Variants in ACO1 observed in about 807,000 individuals in gnomAD.
The protein encoded by ACO1 is aconitase 1.
ACO1 carries 78 observed loss-of-function variants against 105.1 expected under a neutral mutation model. The observed-to-expected ratio is 0.74, with a 90% CI of 0.62 to 0.90. The LOEUF (loss-of-function observed/expected upper bound fraction) is 0.90. ACO1 is among the 40% of genes least tolerant of loss of function. The probability of loss-of-function intolerance (pLI) is 0.00; values close to 1 mark genes in which losing one functional copy is unlikely to be tolerated. For synonymous variants in ACO1, 364 were observed against 397.4 expected, an observed-to-expected ratio of 0.92 and a Z score of 1.00; for missense variants, 965 against 1,111.1, an observed-to-expected ratio of 0.87 and a Z score of 1.87.
chr9:32,397,842 A>G (rs982957081), intron 1 of ACO1, among the ~76,000 whole-genome samples: 2 of 152,180 alleles, frequency 1.3e-5, no homozygotes, highest in African/African-American at 2.4e-5. Context: ...TCTTGTTTGC[A>G]TAGACTTTTT....
At chr9:32,390,003 G>A (rs1016368640) in intron 1 of ACO1, among the ~76,000 whole-genome samples, 1 of 152,120 alleles carries the variant, frequency 6.6e-6, no homozygotes, top group Admixed American at 6.5e-5. Context: ...TCACCATGTT[G>A]GCCAGGTTGG....
intron 3 of ACO1, 84 bp from the exon 4 acceptor site, chr9:32,408,430 T>A: frequency 6.6e-7 from 1 of 1,514,784 alleles, no homozygotes; most frequent in Non-Finnish European, 9.1e-7. Context: ...GCCTTGTCAA[T>A]ATTATCAATG....
At chr9:32,433,400 AT>A (rs199615375) in intron 15 of ACO1, among the ~76,000 whole-genome samples, 1 of 149,342 alleles carries the variant, frequency 6.7e-6, no homozygotes, top group East Asian at 2.0e-4. Context: ...CACCCAGACA[AT>A]TTTTTTTTTA....
chr9:32,419,407 ATT>A (rs1333937688), intron 7 of ACO1, among the ~76,000 whole-genome samples: 1 of 152,188 alleles, frequency 6.6e-6, no homozygotes, highest in Non-Finnish European at 1.5e-5. Flanking sequence ...CTTAAAGGAA[ATT>A]TTTTAAACTG....
rs185115013 is a variant in ACO1 at position 32,439,613 on chromosome 9, C to T, written c.2248-852C>T. Among the ~76,000 whole-genome samples the T allele has an allele frequency of 2.0e-3, 300 of 152,324 alleles. No individual in the cohort carries two copies. Among genetic ancestry groups the T allele is most frequent in the African/African-American group, 6.9e-3 (286 of 41,566 alleles). On this transcript the variant is annotated intron_variant, in intron 18 of 20. Coordinates refer to ENST00000309951, the MANE Select transcript of ACO1 (RefSeq NM_002197.3). This position sits in a 1 kb window ranked among gnomAD's most constrained non-coding sequence, Gnocchi z 4.0. ...GTTTGTATAAGATGTTTCTCATGTACTAAAATATTAATCTTTTTCTACCTT... is the reference window on the plus strand; with the variant it reads ...GTTTGTATAAGATGTTTCTCATGTATTAAAATATTAATCTTTTTCTACCTT...
chr9:32,450,064 C>G lies in ACO1; in HGVS notation c.2623C>G (p.Leu875Val), dbSNP rs766094300. The stretch of plus-strand genomic sequence containing the variant: ...CACTGATGTGGAGCTCACTTATTTC[C>G]TCAACGGGGGCATCCTCAACTACAT... ...FDTDVELTYF[L>V]NGGILNYMIR... Residue 875 changes from leucine to valine, a missense_variant, in exon 21 of 21, where the codon CTC becomes GTC. By Grantham distance (32) the Leu-to-Val change is conservative (BLOSUM62 1). Transcript: ENST00000309951. 33 of 1,613,862 alleles carry G rather than the reference C, an allele frequency of 2.0e-5. No individual in the cohort carries two copies. The South Asian group carries it at 3.5e-4, about 17-fold the overall frequency.
rs960747266 is a variant in ACO1 at position 32,452,818 on chromosome 9, A to T, written c.*2707A>T. The T allele has an allele frequency of 2.7e-5, 4 of 150,842 alleles. No individual in the cohort carries two copies. The highest frequency in any genetic ancestry group is 2.1e-4 in the South Asian group (1 of 4,794). 9.3% of individuals were successfully genotyped at this position (150,842 alleles called of 1,614,324 possible). A position where few individuals can be genotyped will look rare whatever the true frequency, so the allele number is the denominator to read the frequency against. On this transcript the variant is annotated 3_prime_UTR_variant, in exon 21 of 21. Coordinates refer to ENST00000309951, the MANE Select transcript of ACO1 (RefSeq NM_002197.3). Reference sequence around the variant, plus strand: ...AAAAATAAATAAATAAATAAATAAAATAAATCAGCCAGGTGTGCACCTGTG... The same window carrying T: ...AAAAATAAATAAATAAATAAATAAATTAAATCAGCCAGGTGTGCACCTGTG...
At chr9:32,424,136 C>CT (rs1822035205) in intron 9 of ACO1, among the ~76,000 whole-genome samples, 1 of 152,210 alleles carries the variant, frequency 6.6e-6, no homozygotes, top group African/African-American at 2.4e-5. Context: ...GTGTTGATAA[C>CT]TTAACGGCTG....
intron 6 of ACO1, among the ~76,000 whole-genome samples, chr9:32,418,769 A>AT (rs1821906637): frequency 6.6e-6 from 1 of 152,174 alleles, no homozygotes; most frequent in African/African-American, 2.4e-5. Context: ...GGTGTTAAAA[A>AT]TAGAGACTCC....
intron 4 of ACO1, among the ~76,000 whole-genome samples, chr9:32,412,051 T>C (rs906748557): frequency 1.3e-5 from 2 of 152,180 alleles, no homozygotes; most frequent in African/African-American, 4.8e-5. Context: ...TCTGGATAGC[T>C]GACTTCAGAA....
chr9:32,439,004 G>GT lies in ACO1; in HGVS notation c.2248-1460dup, dbSNP rs1196293429. Among the ~76,000 whole-genome samples the GT allele has an allele frequency of 5.9e-5, 9 of 152,228 alleles. No homozygotes were observed. Among genetic ancestry groups the GT allele is most frequent in the East Asian group, 5.8e-4 (3 of 5,204 alleles). On this transcript the variant is annotated intron_variant, in intron 18 of 20. Transcript: ENST00000309951. The surrounding 1 kb of genome is among the most constrained non-coding windows in gnomAD (Gnocchi z 4.0). Reference sequence around the variant, plus strand: ...AATGCTATGTTCTCTTTAGAAGAGCGTAAGAGTGCAGGGAGCTGTTGCTTT... The same window carrying GT: ...AATGCTATGTTCTCTTTAGAAGAGCGTTAAGAGTGCAGGGAGCTGTTGCTTT...
rs74988950 is a variant in ACO1, at chr9:32,402,329, C to T, written c.-22-3156C>T. Among the ~76,000 whole-genome samples, 562 of 152,194 alleles carry T rather than the reference C, an allele frequency of 3.7e-3. 3 individuals carry two copies. Among genetic ancestry groups the T allele is most frequent in the Non-Finnish European group, 6.5e-3 (440 of 68,018 alleles). On this transcript the variant is annotated intron_variant, in intron 1 of 20. Transcript: ENST00000309951. Reference sequence around the variant, plus strand: ...TCCCTCTTTCAAAAAAGAAAAACACCATATATATTTAGATACTCTGCCATC... The same window carrying T: ...TCCCTCTTTCAAAAAAGAAAAACACTATATATATTTAGATACTCTGCCATC...
intron 19 of ACO1, among the ~76,000 whole-genome samples, chr9:32,443,627 T>C (rs889362487): frequency 6.6e-6 from 1 of 152,202 alleles, no homozygotes; most frequent in Non-Finnish European, 1.5e-5. Context: ...CAGATGTGCA[T>C]ATGCTGATCG....
At chr9:32,400,966 TAAATC>T (rs1198763010) in intron 1 of ACO1, among the ~76,000 whole-genome samples, 3 of 151,060 alleles carry the variant, frequency 2.0e-5, no homozygotes, top group East Asian at 1.9e-4. Context: ...TTTTTTCACT[TAAATC>T]AGATCCTAGT....
chr9:32,399,470 G>A (rs1471279706), intron 1 of ACO1, among the ~76,000 whole-genome samples: 1 of 152,184 alleles, frequency 6.6e-6, no homozygotes, highest in Non-Finnish European at 1.5e-5. Flanking sequence ...TCAGAGAAGG[G>A]TCGTAAAATT....
chr9:32,401,734 G>C (rs1821499874), intron 1 of ACO1, among the ~76,000 whole-genome samples: 1 of 152,104 alleles, frequency 6.6e-6, no homozygotes, highest in African/African-American at 2.4e-5. Flanking sequence ...CCTTTTACTG[G>C]GAGCATGGCT....
intron 4 of ACO1, among the ~76,000 whole-genome samples, chr9:32,413,003 G>C (rs1369933839): frequency 1.3e-5 from 2 of 151,768 alleles, no homozygotes; most frequent in Admixed American, 1.3e-4. Flanking sequence ...TCTTGAACTT[G>C]GGTCATCACC....
intron 10 of ACO1, among the ~76,000 whole-genome samples, chr9:32,425,179 G>A (rs1011141879): frequency 6.6e-6 from 1 of 152,172 alleles, no homozygotes; most frequent in Admixed American, 6.5e-5. Context: ...TTGCATGTAT[G>A]ATTTCTGTTG....
At chr9:32,437,246 T>A (rs1418136639) in intron 18 of ACO1, among the ~76,000 whole-genome samples, 1 of 152,154 alleles carries the variant, frequency 6.6e-6, no homozygotes, top group African/African-American at 2.4e-5. Flanking sequence ...TATCTGTGCT[T>A]TAAATTGAGA....
Sources: allele counts gnomAD v4.1 joint callset (sites outside exome capture counted in the v4.1 genomes callset), GRCh38; gene constraint gnomAD v4.1.1; non-coding constraint Gnocchi (gnomAD v3.1); transcripts MANE v1.5; gene names NCBI Gene and HGNC (gene_info 2026-07-23, HGNC 2026-07-21).